Variants in KNDC1 observed in about 807,000 individuals in gnomAD.
KNDC1 encodes the protein kinase non-catalytic C-lobe domain-containing protein 1.
KNDC1 carries 106 observed loss-of-function variants against 172.8 expected under a neutral mutation model. The ratio of observed to expected loss-of-function variants is 0.61; its 90% CI spans 0.52 to 0.72. The LOEUF (loss-of-function observed/expected upper bound fraction) is 0.72, where lower values mean the gene tolerates loss of function less well. Ranked by LOEUF, KNDC1 falls within the 30% of genes least tolerant of loss-of-function variation. KNDC1 has a pLI of 0.00. For missense variants in KNDC1, 2,325 were observed against 2,394.5 expected (o/e 0.97, Z 0.61); for synonymous variants, 1,083 against 1,062.2 (o/e 1.02, Z -0.38).
In KNDC1 at chr10:133,198,679, C is replaced by T; in HGVS notation, c.2171C>T (p.Pro724Leu). ...TCCCTGGAGGCCCACGCTGGGTCCC[C>T]CAGCCTGAAGACGCCTGACGGGCCG... ...KLSLEAHAGS[P>L]SLKTPDGPVP... is the part of the protein sequence containing the mutation. Residue 724 changes from proline (P) to leucine (L), a missense_variant, in exon 14 of 30, where the codon CCC (proline) becomes CTC (leucine). Physicochemically the swap from Pro to Leu is moderately conservative, Grantham distance 98. Coordinates refer to ENST00000304613, the MANE Select transcript of KNDC1 (RefSeq NM_152643.8). The T allele has an allele frequency of 1.3e-6, 2 of 1,590,552 alleles. No individual in the cohort carries two copies. Among genetic ancestry groups the T allele is most frequent in the Non-Finnish European group, 1.7e-6 (2 of 1,169,576 alleles).
Position 133,207,314 on chromosome 10 carries a change from G to A in KNDC1, c.3757G>A (p.Gly1253Ser), listed in dbSNP as rs749849751. The change falls in exon 20 of 30, where the codon GGC (glycine) becomes AGC (serine). Residue 1253 changes from glycine (G) to serine (S), a missense_variant. Coordinates refer to ENST00000304613, the MANE Select transcript of KNDC1 (RefSeq NM_152643.8). ...GRQKARILQA[G>S]TPLGLMAYLY... ...GCAGAAGGCCCGCATCCTGCAGGCC[G>A]GCACGCCGCTGGGGCTCATGGCCTA... 1.2e-5 allele frequency: 20 copies of A among 1,612,712 alleles called. No individual in the cohort carries two copies. Among genetic ancestry groups the A allele is most frequent in the Admixed American group, 1.7e-5 (1 of 59,986 alleles).
intron 17 of KNDC1, among the ~76,000 whole-genome samples, chr10:133,203,352 AAC>A (rs1854434077): frequency 6.6e-6 from 1 of 152,256 alleles, no homozygotes; most frequent in South Asian, 2.1e-4. Context: ...TCGGCCCCCA[AAC>A]ACACAGCGTC....
chr10:133,213,917 G>C lies in KNDC1; in HGVS notation c.4527-55G>C, dbSNP rs994058521. 10 of 1,605,908 alleles carry C rather than the reference G, an allele frequency of 6.2e-6. No individual in the cohort carries two copies. The South Asian group carries it at 9.9e-5, about 16-fold the overall frequency. The stretch of plus-strand genomic sequence containing the variant: ...ACCCTGCACCAGCAGCCCCAGGGCC[G>C]GGCAGGGCCACTGCACAAGTCCTGG... On this transcript the variant is annotated intron_variant, in intron 25 of 29. Coordinates refer to ENST00000304613, the MANE Select transcript of KNDC1 (RefSeq NM_152643.8).
chr10:133,202,893 C>T (rs916293182), intron 17 of KNDC1, among the ~76,000 whole-genome samples: 2 of 152,226 alleles, frequency 1.3e-5, no homozygotes, highest in East Asian at 3.8e-4. Context: ...GCAAAGGCCG[C>T]CCCCGGGGCT....
chr10:133,222,099 T>C (rs67410124), intron 29 of KNDC1, among the ~76,000 whole-genome samples: 47,142 of 124,906 alleles, frequency 0.38, 13,027 homozygotes, highest in Middle Eastern at 0.51. Context: ...CTGGCCAACA[T>C]GGTGAAACCC....
chr10:133,185,914 GGAGGA>G (rs1317379190), intron 5 of KNDC1, 55 bp from the exon 6 acceptor site: 79 of 1,226,666 alleles, frequency 6.4e-5, no homozygotes, highest in Middle Eastern at 5.5e-4. Flanking sequence ...GGGAGGGGCG[GGAGGA>G]GAGGGGAGGG....
At chr10:133,182,781 G>A (rs1452930271) in intron 3 of KNDC1, among the ~76,000 whole-genome samples, 5 of 152,252 alleles carry the variant, frequency 3.3e-5, no homozygotes, top group African/African-American at 7.2e-5. Flanking sequence ...GCAGAGGGGC[G>A]GGGCCATGGC....
intron 29 of KNDC1, among the ~76,000 whole-genome samples, chr10:133,220,325 G>C (rs866003359): frequency 1.8e-3 from 78 of 44,344 alleles, no homozygotes; most frequent in South Asian, 8.8e-3. Context: ...GCTCAGGCGG[G>C]CGCGCGCCCA....
chr10:133,187,566 C>T (rs1853955469), intron 6 of KNDC1, among the ~76,000 whole-genome samples: 5 of 152,214 alleles, frequency 3.3e-5, no homozygotes, highest in Admixed American at 3.3e-4. Flanking sequence ...AGTGCCCCGT[C>T]GCCCTCCACC....
At chr10:133,176,684 G>A (rs1853547116) in intron 3 of KNDC1, among the ~76,000 whole-genome samples, 1 of 152,182 alleles carries the variant, frequency 6.6e-6, no homozygotes, top group Non-Finnish European at 1.5e-5. Flanking sequence ...AGCCCACAGA[G>A]GCTGGCCCCA....
Position 133,211,407 on chromosome 10 carries a change from C to A in KNDC1, c.3909-15C>A, listed in dbSNP as rs779575778. ...CCCACATCCTGGCAGCTCAGCAGCTCCCCTGCGTCTCCAGGGCCCACCAGG... is the reference window on the plus strand; with the variant it reads ...CCCACATCCTGGCAGCTCAGCAGCTACCCTGCGTCTCCAGGGCCCACCAGG... On this transcript the variant is annotated splice_polypyrimidine_tract_variant and intron_variant, in intron 21 of 29. Coordinates refer to ENST00000304613, the MANE Select transcript of KNDC1 (RefSeq NM_152643.8). The A allele has an allele frequency of 1.8e-5, 29 of 1,609,088 alleles. No homozygotes were observed. Among genetic ancestry groups the A allele is most frequent in the East Asian group, 1.6e-4 (7 of 44,836 alleles).
At position 133,211,651 on chromosome 10, in the gene KNDC1, A is replaced by AC. The variant is rs559354991; in HGVS notation, c.4057-21dup. ...CGCCCTCCTCCAGAAGGTGGCAGTG[A>AC]CCCCCCCACCACTGTGCTTCTGCCT... On this transcript the variant is annotated intron_variant, in intron 22 of 29. Coordinates refer to ENST00000304613, the MANE Select transcript of KNDC1 (RefSeq NM_152643.8). 2.1e-4 allele frequency: 331 copies of AC among 1,586,146 alleles called. 1 individual carries two copies. The South Asian group carries it at 2.5e-3, about 12-fold the overall frequency.
chr10:133,218,297 T>C (rs1845508930), intron 26 of KNDC1, among the ~76,000 whole-genome samples: 1 of 152,216 alleles, frequency 6.6e-6, no homozygotes. Flanking sequence ...TCACCACCCA[T>C]GGGGTGTTCC....
At chr10:133,161,076 C>T (rs111595304) in intron 1 of KNDC1, among the ~76,000 whole-genome samples, 1 of 152,098 alleles carries the variant, frequency 6.6e-6, no homozygotes, top group African/African-American at 2.4e-5. Context: ...GACCCCCCTA[C>T]CCCGCAAGGT....
chr10:133,160,267 GCCCCCGCGCACCCCGCGC>G lies in KNDC1; in HGVS notation c.-191_-174del, dbSNP rs1253023902. Among the ~76,000 whole-genome samples, 4 of 141,180 alleles carry G rather than the reference GCCCCCGCGCACCCCGCGC, an allele frequency of 2.8e-5. No individual in the cohort carries two copies. The highest frequency in any genetic ancestry group is 1.4e-4 in the Admixed American group (2 of 14,104). 92.6% of individuals were successfully genotyped at this position (141,180 alleles called of 152,430 possible). On this transcript the variant is annotated 5_prime_UTR_variant, in exon 1 of 30. Transcript: ENST00000304613. ...CGCCGGGTCCGGACAGCGCCGCGCA[GCCCCCGCGCACCCCGCGC>G]CCCCCGCGCCCCCCGGGCCCGCCCC...
chr10:133,186,873 C>A (rs548044577), intron 6 of KNDC1, among the ~76,000 whole-genome samples, 199 bp downstream of exon 6: 3 of 152,332 alleles, frequency 2.0e-5, no homozygotes, highest in Non-Finnish European at 2.9e-5. Flanking sequence ...GTCACCCAGG[C>A]GTGGCCTCTC....
In KNDC1 at chr10:133,206,739, T is replaced by A; in HGVS notation, c.3442T>A (p.Phe1148Ile). ...EKRNYRKTLK[F>I]YQKLLQKEKR... is the part of the protein sequence containing the mutation. ...AAGAAACTACCGCAAGACCCTGAAG[T>A]TCTACCAGAAACTCTTACAGAAGGA... The change falls in exon 18 of 30, where the codon TTC (phenylalanine) becomes ATC (isoleucine). Residue 1148 changes from phenylalanine to isoleucine, a missense_variant. Transcript: ENST00000304613. 1 of 1,614,010 alleles carries A rather than the reference T, an allele frequency of 6.2e-7. No individual in the cohort carries two copies. Among genetic ancestry groups the A allele is most frequent in the Non-Finnish European group, 8.5e-7 (1 of 1,179,998 alleles).
At position 133,224,532 on chromosome 10, in the gene KNDC1, C is replaced by T. The variant is rs1054803519; in HGVS notation, c.5019-127C>T. On this transcript the variant is annotated intron_variant, in intron 29 of 29. Coordinates refer to ENST00000304613, the MANE Select transcript of KNDC1 (RefSeq NM_152643.8). The surrounding 1 kb of genome is among the most constrained non-coding windows in gnomAD (Gnocchi z 5.4). ...TCGCCAATAAATACAGACAACCCAC[C>T]CTTCAGAATTTACACGGTGAAAAGA... 3 of 680,900 alleles carry T rather than the reference C, an allele frequency of 4.4e-6. No homozygotes were observed. Among genetic ancestry groups the T allele is most frequent in the Non-Finnish European group, 7.6e-6 (3 of 394,704 alleles). 42.2% of individuals were successfully genotyped at this position (680,900 alleles called of 1,614,324 possible).
chr10:133,194,180 C>T (rs984680364), intron 9 of KNDC1, among the ~76,000 whole-genome samples: 9 of 152,204 alleles, frequency 5.9e-5, no homozygotes, highest in African/African-American at 1.9e-4. Flanking sequence ...TGAGCCATAA[C>T]GCAAACCTCA....
Sources: allele counts gnomAD v4.1 joint callset (sites outside exome capture counted in the v4.1 genomes callset), GRCh38; gene constraint gnomAD v4.1.1; non-coding constraint Gnocchi (gnomAD v3.1); transcripts MANE v1.5; gene names NCBI Gene and HGNC (gene_info 2026-07-23, HGNC 2026-07-21).